LINGO2: variants seen among roughly 807,000 people sequenced by gnomAD.
LINGO2 encodes the protein leucine-rich repeat and immunoglobulin-like domain-containing nogo receptor-interacting protein 2.
In LINGO2, 14 loss-of-function variants were observed where a neutral mutation model predicts 30.6. That is an observed-to-expected ratio of 0.46 (90% CI 0.30 to 0.72). The LOEUF (loss-of-function observed/expected upper bound fraction) is 0.72, where lower values mean the gene tolerates loss of function less well. Ranked by LOEUF, LINGO2 falls within the 30% of genes least tolerant of loss-of-function variation. LINGO2 has a pLI of 0.07. For missense variants in LINGO2, 729 were observed against 751.7 expected (o/e 0.97, Z 0.35); for synonymous variants, 317 against 288.5 (o/e 1.10, Z -1.00).
chr9:28,110,192 A>T (rs974017373), intron 4 of LINGO2, among the ~76,000 whole-genome samples: 1 of 152,258 alleles, frequency 6.6e-6, no homozygotes, highest in Non-Finnish European at 1.5e-5. Context: ...GGCTAGCCAT[A>T]TGCAGAAAAC....
chr9:28,576,603 ATAAT>A (rs1824004745), intron 1 of LINGO2, among the ~76,000 whole-genome samples: 1 of 152,208 alleles, frequency 6.6e-6, no homozygotes, highest in Non-Finnish European at 1.5e-5. Context: ...AATTCTTATG[ATAAT>A]TAATAATAGT....
intron 3 of LINGO2, among the ~76,000 whole-genome samples, chr9:28,337,606 G>A (rs1261913833): frequency 6.6e-6 from 1 of 152,140 alleles, no homozygotes; most frequent in East Asian, 1.9e-4. Flanking sequence ...CCTATGCCTG[G>A]TCTAGATACC....
chr9:28,398,959 A>T (rs1392859339), intron 2 of LINGO2, among the ~76,000 whole-genome samples: 1 of 151,938 alleles, frequency 6.6e-6, no homozygotes, highest in African/African-American at 2.4e-5. Flanking sequence ...ACAGTCAAAA[A>T]CTCCATGTAG....
At chr9:28,844,257 G>A in the LINGO2 span, among the ~76,000 whole-genome samples, 2 of 151,818 alleles carry the variant, frequency 1.3e-5, no homozygotes, top group Admixed American at 6.6e-5. Flanking sequence ...AGCCATTCAG[G>A]AGGCTGAGGC....
chr9:28,397,327 T>C (rs1822085698), intron 2 of LINGO2, among the ~76,000 whole-genome samples: 1 of 147,940 alleles, frequency 6.8e-6, no homozygotes, highest in Non-Finnish European at 1.5e-5. Context: ...TAAAATTGTA[T>C]GTATTGTGTA....
At chr9:28,362,229 T>C (rs62559477) in intron 3 of LINGO2, among the ~76,000 whole-genome samples, 24,033 of 150,202 alleles carry the variant, frequency 0.16, 2,089 homozygotes, top group African/African-American at 0.23. Flanking sequence ...TGTGTGTGTG[T>C]GCGCATGCGC....
chr9:28,326,610 T>C (rs1825239028), intron 3 of LINGO2, among the ~76,000 whole-genome samples: 1 of 152,226 alleles, frequency 6.6e-6, no homozygotes, highest in African/African-American at 2.4e-5. Context: ...TTAAGAACTA[T>C]ATTGGCATCG....
chr9:28,874,143 T>C, the LINGO2 span, among the ~76,000 whole-genome samples: 816 of 152,178 alleles, frequency 5.4e-3, 6 homozygotes, highest in African/African-American at 0.018. Flanking sequence ...AAATAGAGAA[T>C]ATTCTAGCCA....
At chr9:28,634,495 T>TC (rs1554648339) in intron 1 of LINGO2, among the ~76,000 whole-genome samples, 6 of 148,774 alleles carry the variant, frequency 4.0e-5, no homozygotes, top group African/African-American at 1.5e-4. Flanking sequence ...CTTTTTTTTT[T>TC]TTTTTTTTGA....
In LINGO2 at chr9:28,615,067, T is replaced by C. The variant is rs149472779; in HGVS notation, c.-365+55133A>G. 2.5e-3 allele frequency among the ~76,000 whole-genome samples: 373 copies of C among 152,242 alleles called. 3 individuals are homozygous for C. The highest frequency in any genetic ancestry group is 8.6e-3 in the African/African-American group (359 of 41,578). On this transcript the variant is annotated intron_variant, in intron 1 of 5. Transcript: ENST00000379992. ...GAAAATATAAAATTAAGGGAGGACA[T>C]TTTAAATTTTCTGTACCCTACATGG...
the LINGO2 span, among the ~76,000 whole-genome samples, chr9:28,700,057 A>G: frequency 6.6e-6 from 1 of 151,898 alleles, no homozygotes; most frequent in Non-Finnish European, 1.5e-5. Flanking sequence ...GAAGCATGTG[A>G]TCTTTGTGAC....
At chr9:28,181,425 GAT>G in intron 4 of LINGO2, among the ~76,000 whole-genome samples, 1 of 152,246 alleles carries the variant, frequency 6.6e-6, no homozygotes, top group Middle Eastern at 3.4e-3. Context: ...CTCAAAGTGT[GAT>G]ATCTCGGCCA....
At chr9:28,249,638 A>C (rs893537514) in intron 4 of LINGO2, among the ~76,000 whole-genome samples, 6 of 152,130 alleles carry the variant, frequency 3.9e-5, no homozygotes, top group African/African-American at 1.4e-4. Flanking sequence ...CAACCTTGCA[A>C]AAAAAACCCA....
intron 4 of LINGO2, among the ~76,000 whole-genome samples, chr9:28,199,496 G>C (rs1016330770): frequency 9.9e-5 from 15 of 151,838 alleles, no homozygotes; most frequent in Non-Finnish European, 4.4e-5. Flanking sequence ...CCGCCACCAC[G>C]CTCGGCTAAT....
At chr9:29,082,271 T>G in the LINGO2 span, among the ~76,000 whole-genome samples, 1 of 151,970 alleles carries the variant, frequency 6.6e-6, no homozygotes, top group Non-Finnish European at 1.5e-5. Flanking sequence ...TCAGAAATAA[T>G]ACCACACATC....
At chr9:29,161,343 C>A in the LINGO2 span, among the ~76,000 whole-genome samples, 1 of 152,154 alleles carries the variant, frequency 6.6e-6, no homozygotes, top group South Asian at 2.1e-4. Context: ...ACCCATCCAC[C>A]CACTCCCCTT....
At chr9:28,370,744 C>T (rs1030249574) in intron 3 of LINGO2, among the ~76,000 whole-genome samples, 1 of 152,190 alleles carries the variant, frequency 6.6e-6, no homozygotes, top group Admixed American at 6.5e-5. Flanking sequence ...TCCATACCAA[C>T]CACCACTGTG....
At chr9:28,365,778 T>G (rs1001098841) in intron 3 of LINGO2, among the ~76,000 whole-genome samples, 1 of 151,468 alleles carries the variant, frequency 6.6e-6, no homozygotes, top group Non-Finnish European at 1.5e-5. Context: ...TTTTTTTTTT[T>G]TTTTTTCCTC....
the LINGO2 span, among the ~76,000 whole-genome samples, chr9:28,783,145 G>C: frequency 4.8e-3 from 734 of 152,232 alleles, 5 homozygotes; most frequent in African/African-American, 0.017. Context: ...AACTTCTGGT[G>C]CTCAACTTAA....
Sources: gnomAD v4.1 joint callset for allele counts (sites outside exome capture counted in the v4.1 genomes callset) on GRCh38, gnomAD v4.1.1 for gene constraint, MANE v1.5 for transcripts, NCBI Gene and HGNC (gene_info 2026-07-23, HGNC 2026-07-21) for gene names.